CSMD1: variants seen among roughly 807,000 people sequenced by gnomAD.
The protein encoded by CSMD1 is CUB and Sushi multiple domains 1, also known as CUB and sushi domain-containing protein 1.
A neutral mutation model predicts 417.5 loss-of-function variants in CSMD1; 213 were observed. That is an observed-to-expected ratio of 0.51 (90% CI 0.46 to 0.57). The LOEUF is 0.57. CSMD1 is among the 20% of genes least tolerant of loss of function. The probability of loss-of-function intolerance (pLI) is 0.00; values close to 1 mark genes in which losing one functional copy is unlikely to be tolerated. For missense variants in CSMD1, 6,923 were observed against 4,529.7 expected (o/e 1.53, Z -15.17); for synonymous variants, 2,862 against 1,736.8 (o/e 1.65, Z -16.11).
At chr8:4,536,583 A>G (rs1174667311) in intron 2 of CSMD1, among the ~76,000 whole-genome samples, 1 of 152,194 alleles carries the variant, frequency 6.6e-6, no homozygotes, top group Non-Finnish European at 1.5e-5. Context: ...ACTGTTGTGG[A>G]TATCCTGCCG....
At chr8:3,590,689 C>G (rs895063661) in intron 8 of CSMD1, among the ~76,000 whole-genome samples, 1 of 152,146 alleles carries the variant, frequency 6.6e-6, no homozygotes, top group Non-Finnish European at 1.5e-5. Context: ...TTAACAGGAG[C>G]AACCTCTTCA....
intron 2 of CSMD1, among the ~76,000 whole-genome samples, chr8:4,476,398 G>T (rs780883911): frequency 6.6e-6 from 1 of 152,150 alleles, no homozygotes. Flanking sequence ...AATTTTGGTA[G>T]TTAAGTGTGA....
chr8:2,957,062 A>C lies in CSMD1; in HGVS notation c.9814+634T>G, dbSNP rs142248626. Among the ~76,000 whole-genome samples the C allele has an allele frequency of 4.7e-3, 723 of 152,290 alleles. 3 individuals are homozygous for C. Among genetic ancestry groups the C allele is most frequent in the Non-Finnish European group, 8.1e-3 (549 of 68,028 alleles). On this transcript the variant is annotated intron_variant, in intron 63 of 69. Coordinates refer to ENST00000635120, the MANE Select transcript of CSMD1 (RefSeq NM_033225.6). Reference sequence around the variant, plus strand: ...CAGTAAGAATAAGACACCGCATTTCACTAAATTCAGAGTGAGTGAAATGAA... The same window carrying C: ...CAGTAAGAATAAGACACCGCATTTCCCTAAATTCAGAGTGAGTGAAATGAA...
chr8:4,497,012 C>A (rs1192973215), intron 2 of CSMD1, among the ~76,000 whole-genome samples: 2 of 152,060 alleles, frequency 1.3e-5, no homozygotes, highest in Non-Finnish European at 2.9e-5. Flanking sequence ...GAAACACTTA[C>A]AAAAATAAAA....
In CSMD1 at chr8:3,267,373, T is replaced by G. The variant is rs1429005536; in HGVS notation, c.4153+16771A>C. Among the ~76,000 whole-genome samples the G allele has an allele frequency of 2.6e-5, 4 of 152,164 alleles. 1 individual carries two copies. Among genetic ancestry groups the G allele is most frequent in the African/African-American group, 4.8e-5 (2 of 41,436 alleles). On this transcript the variant is annotated intron_variant, in intron 26 of 69. Coordinates refer to ENST00000635120, the MANE Select transcript of CSMD1 (RefSeq NM_033225.6). ...AGGGGTGTTGATGCATTGGAAGATT[T>G]GAAATACAAAGGTGCGTTGGAGCAA...
At chr8:4,101,723 A>G (rs1218450926) in intron 3 of CSMD1, among the ~76,000 whole-genome samples, 1 of 152,232 alleles carries the variant, frequency 6.6e-6, no homozygotes, top group Admixed American at 6.5e-5. Context: ...ATTCCAGAGG[A>G]GAAAAGCAAA....
Position 3,132,518 on chromosome 8 carries a change from G to C in CSMD1, c.6241+9947C>G, listed in dbSNP as rs532731087. Among the ~76,000 whole-genome samples the C allele has an allele frequency of 1.6e-4, 24 of 152,186 alleles. No individual in the cohort carries two copies. In the South Asian group the frequency reaches 2.5e-3, roughly 16 times the overall value. On this transcript the variant is annotated intron_variant, in intron 41 of 69. Transcript: ENST00000635120. The stretch of plus-strand genomic sequence containing the variant: ...TCAAAGTGTCACTTTGATGAGTTCA[G>C]TCTCATCAGTTCTAGATAGTGTTGG...
intron 3 of CSMD1, among the ~76,000 whole-genome samples, chr8:4,088,508 C>A (rs1292754412): frequency 6.6e-6 from 1 of 152,200 alleles, no homozygotes; most frequent in Non-Finnish European, 1.5e-5. Context: ...TCTTTGTTTT[C>A]AACCCATGTC....
chr8:4,395,037 A>G (rs1248155299), intron 3 of CSMD1, among the ~76,000 whole-genome samples: 2 of 152,124 alleles, frequency 1.3e-5, no homozygotes, highest in African/African-American at 2.4e-5. Flanking sequence ...GGCATATCCC[A>G]TATCCCTTTC....
intron 5 of CSMD1, among the ~76,000 whole-genome samples, chr8:3,830,875 T>C (rs772414052): frequency 3.3e-5 from 5 of 152,216 alleles, no homozygotes; most frequent in Non-Finnish European, 7.3e-5. Context: ...TGTGTCTTCA[T>C]CGAGGTTCAC....
At chr8:4,838,788 G>A (rs1585190947) in intron 1 of CSMD1, among the ~76,000 whole-genome samples, 1 of 152,132 alleles carries the variant, frequency 6.6e-6, no homozygotes, top group Admixed American at 6.5e-5. Flanking sequence ...AGTTTGGTCG[G>A]AACCGACAGA....
At chr8:4,664,386 C>G (rs899193058) in intron 1 of CSMD1, among the ~76,000 whole-genome samples, 1 of 151,990 alleles carries the variant, frequency 6.6e-6, no homozygotes, top group African/African-American at 2.4e-5. Flanking sequence ...ATGGTGAAAC[C>G]CCATGTCTAC....
At chr8:3,040,586 C>T (rs183164933) in intron 50 of CSMD1, among the ~76,000 whole-genome samples, 18 of 151,812 alleles carry the variant, frequency 1.2e-4, no homozygotes, top group African/African-American at 3.6e-4. Flanking sequence ...AGGTGGATCA[C>T]GAGGTCAGGA....
intron 4 of CSMD1, among the ~76,000 whole-genome samples, chr8:4,028,421 T>A (rs1026488170): frequency 6.6e-6 from 1 of 151,998 alleles, no homozygotes; most frequent in African/African-American, 2.4e-5. Flanking sequence ...GTGGTGGTAG[T>A]AGTAGCAGTC....
chr8:3,475,419 A>T lies in CSMD1; in HGVS notation c.1449-6595T>A, dbSNP rs112740232. 1.2e-4 allele frequency among the ~76,000 whole-genome samples: 19 copies of T among 152,354 alleles called. 1 individual carries two copies. The highest frequency in any genetic ancestry group is 3.4e-4 in the African/African-American group (14 of 41,582). On this transcript the variant is annotated intron_variant, in intron 11 of 69. Coordinates refer to ENST00000635120, the MANE Select transcript of CSMD1 (RefSeq NM_033225.6). Reference sequence around the variant, plus strand: ...TATTCATTATACAGCTACATGTTTAAATTTTATAGGAATATTTCCAAATAA... The same window carrying T: ...TATTCATTATACAGCTACATGTTTATATTTTATAGGAATATTTCCAAATAA...
At chr8:3,293,715 G>T (rs1198446830) in intron 25 of CSMD1, among the ~76,000 whole-genome samples, 2 of 151,860 alleles carry the variant, frequency 1.3e-5, no homozygotes, top group East Asian at 3.9e-4. Flanking sequence ...GGTTATTCTA[G>T]TTAGCCATTC....
intron 17 of CSMD1, 88 bp from the exon 18 acceptor site, chr8:3,387,770 C>G (rs762869447): frequency 1.9e-6 from 2 of 1,077,686 alleles, no homozygotes; most frequent in African/African-American, 1.6e-5. Flanking sequence ...ACGAAATAGT[C>G]TCAGAAATAA....
intron 3 of CSMD1, among the ~76,000 whole-genome samples, chr8:4,204,074 C>G (rs1799829127): frequency 1.3e-5 from 2 of 152,152 alleles, no homozygotes; most frequent in African/African-American, 2.4e-5. Flanking sequence ...GTACTCCAGC[C>G]TGGGTGACAG....
At chr8:4,584,053 G>A (rs1185281326) in intron 2 of CSMD1, among the ~76,000 whole-genome samples, 1 of 151,610 alleles carries the variant, frequency 6.6e-6, no homozygotes, top group East Asian at 2.0e-4. Context: ...TCACTACGAA[G>A]GTCTGCAGTT....
Sources: gnomAD v4.1 joint callset for allele counts (sites outside exome capture counted in the v4.1 genomes callset) on GRCh38, gnomAD v4.1.1 for gene constraint, MANE v1.5 for transcripts, NCBI Gene and HGNC (gene_info 2026-07-23, HGNC 2026-07-21) for gene names.